The following PITPNA variants were observed in gnomAD, a reference collection of about 807,000 sequenced individuals.
The protein encoded by PITPNA is phosphatidylinositol transfer protein alpha.
Under a neutral mutation model 50.3 loss-of-function variants are expected in PITPNA, and 13 were observed. That is an observed-to-expected ratio of 0.26 (90% confidence interval 0.17 to 0.41). The LOEUF (loss-of-function observed/expected upper bound fraction) is 0.41. PITPNA is among the 10% of genes least tolerant of loss of function. The pLI is 1.00. For missense variants in PITPNA, 207 were observed against 333.4 expected (o/e 0.62, Z 2.95); for synonymous variants, 120 against 119.6 (o/e 1.00, Z -0.02).
intron 2 of PITPNA, 28 bp downstream of exon 2, chr17:1,558,501 C>G: frequency 6.6e-7 from 1 of 1,513,932 alleles, no homozygotes; most frequent in Non-Finnish European, 9.2e-7. Context: ...TTACACACAA[C>G]TATGGACCAG....
intron 4 of PITPNA, among the ~76,000 whole-genome samples, chr17:1,545,064 A>G (rs944814794): frequency 6.6e-6 from 1 of 151,282 alleles, no homozygotes; most frequent in African/African-American, 2.5e-5. Flanking sequence ...CGAGGACTAT[A>G]GTTCCAGGAA....
intron 2 of PITPNA, among the ~76,000 whole-genome samples, chr17:1,556,625 A>G (rs532315114): frequency 1.6e-4 from 24 of 152,082 alleles, no homozygotes; most frequent in African/African-American, 5.5e-4. Flanking sequence ...ACCCCTAATC[A>G]CCACACTAAG....
At chr17:1,536,577 C>G (rs1241452450) in intron 7 of PITPNA, among the ~76,000 whole-genome samples, 5 of 151,502 alleles carry the variant, frequency 3.3e-5, no homozygotes, top group East Asian at 3.9e-4. Flanking sequence ...GCGTGAGCCA[C>G]CGCGCCCTGC....
rs1162636941 is a variant in PITPNA, at chr17:1,548,440, CAA to C, written c.198-55_198-54del. On this transcript the variant is annotated intron_variant, in intron 3 of 11. Coordinates refer to ENST00000313486, the MANE Select transcript of PITPNA (RefSeq NM_006224.4). Reference sequence around the variant, plus strand: ...AGAGAAATGGTAGAGAGAAAGGAGACAAGAGGCTTTTCAGATCCAGCTTCTTC... The same window carrying C: ...AGAGAAATGGTAGAGAGAAAGGAGACGAGGCTTTTCAGATCCAGCTTCTTC... 24 of 1,269,912 alleles carry C rather than the reference CAA, an allele frequency of 1.9e-5. No individual in the cohort carries two copies. The East Asian group carries it at 4.2e-4, about 22-fold the overall frequency. 78.7% of individuals were successfully genotyped at this position (1,269,912 alleles called of 1,614,324 possible).
Position 1,530,334 on chromosome 17 carries a change from A to T in PITPNA, c.768+3765T>A, listed in dbSNP as rs145928987. Reference sequence around the variant, plus strand: ...TCTTAAGAGAGTAAGAGCTTGGGAAAGGGAGAAAAAAGGCAAGTTGGGGAG... The same window carrying T: ...TCTTAAGAGAGTAAGAGCTTGGGAATGGGAGAAAAAAGGCAAGTTGGGGAG... On this transcript the variant is annotated intron_variant, in intron 10 of 11. Transcript: ENST00000313486. 7.1e-3 allele frequency among the ~76,000 whole-genome samples: 1,080 copies of T among 151,862 alleles called. 20 individuals are homozygous for T. Among genetic ancestry groups the T allele is most frequent in the African/African-American group, 0.024 (1,002 of 41,276 alleles).
intron 10 of PITPNA, among the ~76,000 whole-genome samples, chr17:1,524,045 CTTTTTTTT>C (rs71148495): frequency 4.4e-4 from 45 of 101,910 alleles, no homozygotes; most frequent in African/African-American, 6.2e-4. Flanking sequence ...TTTCTTTTTT[CTTTTTTTT>C]TTTTTTTTTG....
chr17:1,548,668 A>G (rs1448891923), intron 3 of PITPNA, among the ~76,000 whole-genome samples: 5 of 152,078 alleles, frequency 3.3e-5, no homozygotes, highest in African/African-American at 1.2e-4. Context: ...TCAGCATTAC[A>G]CATTTTTCCA....
intron 10 of PITPNA, among the ~76,000 whole-genome samples, chr17:1,522,137 T>C (rs1489743095): frequency 1.3e-5 from 2 of 149,680 alleles, no homozygotes. Context: ...AGTGGCGCAA[T>C]CTCGGCTCAC....
intron 10 of PITPNA, among the ~76,000 whole-genome samples, chr17:1,527,117 C>T (rs1388459108): frequency 3.3e-5 from 5 of 152,080 alleles, no homozygotes; most frequent in Admixed American, 2.6e-4. Flanking sequence ...GGGGCCTACA[C>T]GACATGAGAG....
intron 10 of PITPNA, among the ~76,000 whole-genome samples, chr17:1,523,536 T>C (rs2151001614): frequency 7.2e-6 from 1 of 138,444 alleles, no homozygotes; most frequent in South Asian, 2.4e-4. Flanking sequence ...AGACACAGTC[T>C]CTCTCTCTGT....
intron 6 of PITPNA, 51 bp downstream of exon 6, chr17:1,541,515 A>G (rs940300295): frequency 7.7e-7 from 1 of 1,306,948 alleles, no homozygotes; most frequent in Non-Finnish European, 1.1e-6. Context: ...AGAGGCTACA[A>G]GGCAGAGACT....
Position 1,558,511 on chromosome 17 carries a change from GA to G in PITPNA, c.51+17del. The G allele has an allele frequency of 6.4e-7, 1 of 1,567,972 alleles. No individual in the cohort carries two copies. The highest frequency in any genetic ancestry group is 8.8e-7 in the Non-Finnish European group (1 of 1,139,214). On this transcript the variant is annotated intron_variant, in intron 2 of 11. Transcript: ENST00000313486. ...AACAGTTACACACAACTATGGACCAGAAAGTAAAAGGACTTACCTCATCTAC... is the reference window on the plus strand; with the variant it reads ...AACAGTTACACACAACTATGGACCAGAAGTAAAAGGACTTACCTCATCTAC...
chr17:1,536,042 T>C (rs932763020), intron 7 of PITPNA, among the ~76,000 whole-genome samples: 1 of 152,198 alleles, frequency 6.6e-6, no homozygotes, highest in African/African-American at 2.4e-5. Context: ...TTTAACAAAA[T>C]CATTACTGGA....
intron 10 of PITPNA, among the ~76,000 whole-genome samples, chr17:1,528,836 G>A (rs2075562885): frequency 6.6e-6 from 1 of 151,982 alleles, no homozygotes; most frequent in Non-Finnish European, 1.5e-5. Context: ...CAGGTTGGAG[G>A]GAATTAAGAC....
chr17:1,521,438 G>T (rs192195154), intron 11 of PITPNA, 141 bp downstream of exon 11: 1 of 661,432 alleles, frequency 1.5e-6, no homozygotes, highest in Non-Finnish European at 2.8e-6. Context: ...AGTGGAAGTG[G>T]AGAGCTATCG....
chr17:1,541,147 C>A (rs1446849073), intron 6 of PITPNA, among the ~76,000 whole-genome samples: 1 of 152,134 alleles, frequency 6.6e-6, no homozygotes, highest in Non-Finnish European at 1.5e-5. Context: ...TTTGGCTACA[C>A]AAAGAAGACT....
rs372520299 is a variant in PITPNA, at chr17:1,534,166, T to C, written c.701A>G (p.Lys234Arg). The C allele has an allele frequency of 1.9e-6, 3 of 1,613,762 alleles. No individual in the cohort carries two copies. The African/African-American group carries it at 4.0e-5, about 22-fold the overall frequency. Residue 234 changes from lysine to arginine, a missense_variant, in exon 10 of 12, where the codon AAG becomes AGG. Lys to Arg is a conservative substitution (Grantham distance 26, BLOSUM62 2). Coordinates refer to ENST00000313486, the MANE Select transcript of PITPNA (RefSeq NM_006224.4). ...GTCGTCCATGGTCAGGTCAACCCAC[T>C]TATCGAGCCAACAGAACAGCTGCCT... is the stretch of plus-strand genomic sequence containing the variant. ...FHRQLFCWLD[K>R]WVDLTMDDIR...
At chr17:1,560,731 G>A (rs2075763937) in intron 1 of PITPNA, among the ~76,000 whole-genome samples, 1 of 152,194 alleles carries the variant, frequency 6.6e-6, no homozygotes, top group Non-Finnish European at 1.5e-5. Flanking sequence ...AATCTAAAGT[G>A]CACCACGTTC....
intron 10 of PITPNA, among the ~76,000 whole-genome samples, chr17:1,524,404 G>A (rs1345058625): frequency 6.7e-6 from 1 of 150,366 alleles, no homozygotes; most frequent in African/African-American, 2.5e-5. Context: ...GAGTGCAGTG[G>A]TGCGATCACC....
Sources: gnomAD v4.1 joint callset for allele counts (sites outside exome capture counted in the v4.1 genomes callset) on GRCh38, gnomAD v4.1.1 for gene constraint, MANE v1.5 for transcripts, NCBI Gene and HGNC (gene_info 2026-07-23, HGNC 2026-07-21) for gene names.